UGGT2: variants seen among roughly 807,000 people sequenced by gnomAD.
UGGT2 encodes UDP-glucose:glycoprotein glucosyltransferase 2.
A neutral mutation model predicts 192.1 loss-of-function variants in UGGT2; 180 were observed. The ratio of observed to expected loss-of-function variants is 0.94; its 90% confidence interval spans 0.83 to 1.06. The LOEUF is 1.06. Ranked by LOEUF, UGGT2 falls within the 50% of genes least tolerant of loss-of-function variation. UGGT2 has a pLI of 0.00. For missense variants in UGGT2, 1,849 were observed against 1,795.7 expected, an observed-to-expected ratio of 1.03 and a Z score of -0.54; for synonymous variants, 580 against 591.0, an observed-to-expected ratio of 0.98 and a Z score of 0.27.
intron 38 of UGGT2, among the ~76,000 whole-genome samples, chr13:95,806,021 G>T (rs1258556833): frequency 6.8e-6 from 1 of 146,340 alleles, no homozygotes; most frequent in Non-Finnish European, 1.5e-5. Flanking sequence ...CAGAGATAAG[G>T]GGGAAAGAGA....
At chr13:95,867,652 C>A (rs1890796847) in intron 29 of UGGT2, among the ~76,000 whole-genome samples, 1 of 152,060 alleles carries the variant, frequency 6.6e-6, no homozygotes, top group South Asian at 2.1e-4. Flanking sequence ...AAAAGTAACT[C>A]ATTAAATTCA....
At chr13:95,895,737 A>C (rs753898257) in intron 22 of UGGT2, among the ~76,000 whole-genome samples, 13 of 152,162 alleles carry the variant, frequency 8.5e-5, no homozygotes, top group Non-Finnish European at 1.5e-4. Context: ...TTTCACCTTC[A>C]TCTATAAATT....
chr13:96,049,915 T>TATAG (rs1231339243), intron 1 of UGGT2, among the ~76,000 whole-genome samples: 1 of 152,230 alleles, frequency 6.6e-6, no homozygotes, highest in Non-Finnish European at 1.5e-5. Context: ...CAAGGTAATT[T>TATAG]ATAGATTCAA....
At chr13:95,929,342 C>A (rs1227017451) in intron 17 of UGGT2, among the ~76,000 whole-genome samples, 1 of 152,188 alleles carries the variant, frequency 6.6e-6, no homozygotes, top group Non-Finnish European at 1.5e-5. Flanking sequence ...AGATTGGTTA[C>A]AACACAGGTG....
intron 6 of UGGT2, among the ~76,000 whole-genome samples, chr13:95,997,607 C>T (rs1244565258): frequency 6.6e-6 from 1 of 151,836 alleles, no homozygotes; most frequent in Non-Finnish European, 1.5e-5. Context: ...CACACCACTG[C>T]ACTCCAGCCT....
At chr13:95,947,319 T>A in intron 14 of UGGT2, 147 bp from the exon 15 acceptor site, 1 of 838,078 alleles carries the variant, frequency 1.2e-6, no homozygotes, top group Non-Finnish European at 1.7e-6. Context: ...ACTTCAAAAG[T>A]TTGAATGTAA....
At position 96,023,646 on chromosome 13, in the gene UGGT2, T is replaced by G; in HGVS notation, c.355A>C (p.Ile119Leu). 1.2e-6 allele frequency: 2 copies of G among 1,608,630 alleles called. No homozygotes were observed. Among genetic ancestry groups the G allele is most frequent in the Non-Finnish European group, 1.7e-6 (2 of 1,176,806 alleles). ...AFSIRAYSPA[I>L]QMFQQIAADE... ...TTACGCACCTGCTGAAACATCTGAATAGCTGGGGAGTATGCCCTTATAGAG... is the reference window on the plus strand; with the variant it reads ...TTACGCACCTGCTGAAACATCTGAAGAGCTGGGGAGTATGCCCTTATAGAG... Residue 119 changes from isoleucine to leucine, a missense_variant, in exon 3 of 39, where the codon ATT (isoleucine) becomes CTT (leucine). Coordinates refer to ENST00000376747, the MANE Select transcript of UGGT2 (RefSeq NM_020121.4).
At chr13:95,905,197 C>T (rs1248153338) in intron 20 of UGGT2, among the ~76,000 whole-genome samples, 1 of 151,452 alleles carries the variant, frequency 6.6e-6, no homozygotes, top group Non-Finnish European at 1.5e-5. Context: ...TGGATATTAG[C>T]CCTTTGTCAG....
chr13:95,826,661 T>G (rs1466121619), intron 38 of UGGT2, among the ~76,000 whole-genome samples: 41 of 152,216 alleles, frequency 2.7e-4, no homozygotes, highest in Admixed American at 2.6e-3. Flanking sequence ...ATAAGCTATA[T>G]GATTAAAATG....
At chr13:95,999,393 A>G in intron 5 of UGGT2, 86 bp from the exon 6 acceptor site, 5 of 1,205,642 alleles carry the variant, frequency 4.1e-6, no homozygotes, top group South Asian at 1.3e-5. Flanking sequence ...GTATTTGGAC[A>G]TAAGGGTAAA....
Position 95,837,073 on chromosome 13 carries a change from C to T in UGGT2, c.4401+13G>A. The stretch of plus-strand genomic sequence containing the variant: ...GTATCTGCTTACATACAAATGAAAA[C>T]AAAGACACTCACCAGATCAATTGTT... On this transcript the variant is annotated intron_variant, in intron 37 of 38. Coordinates refer to ENST00000376747, the MANE Select transcript of UGGT2 (RefSeq NM_020121.4). 6.3e-7 allele frequency: 1 copy of T among 1,575,116 alleles called. No individual in the cohort carries two copies. The highest frequency in any genetic ancestry group is 8.7e-7 in the Non-Finnish European group (1 of 1,144,818).
chr13:95,973,102 G>A (rs12877250), intron 10 of UGGT2, among the ~76,000 whole-genome samples: 17,650 of 152,094 alleles, frequency 0.12, 1,383 homozygotes, highest in Middle Eastern at 0.2. Context: ...TCCAGGAGGC[G>A]GAGGTTGCAG....
intron 15 of UGGT2, among the ~76,000 whole-genome samples, chr13:95,945,062 A>G (rs1274370051): frequency 1.3e-5 from 2 of 152,044 alleles, no homozygotes; most frequent in African/African-American, 4.8e-5. Flanking sequence ...CACCTTGTGT[A>G]TAACTTTCTG....
intron 2 of UGGT2, among the ~76,000 whole-genome samples, chr13:96,024,063 A>G (rs2052594656): frequency 6.6e-6 from 1 of 152,252 alleles, no homozygotes; most frequent in Non-Finnish European, 1.5e-5. Flanking sequence ...TATTACAAGG[A>G]TAAGATATAA....
chr13:95,844,455 A>G (rs1487528399), intron 36 of UGGT2, among the ~76,000 whole-genome samples: 3 of 152,346 alleles, frequency 2.0e-5, no homozygotes, highest in Admixed American at 6.5e-5. Flanking sequence ...TGAACAAGGT[A>G]TATCTCTCTA....
At chr13:95,845,584 A>G (rs901437209) in intron 36 of UGGT2, among the ~76,000 whole-genome samples, 7 of 151,754 alleles carry the variant, frequency 4.6e-5, no homozygotes, top group Admixed American at 2.0e-4. Context: ...ACACAGACAC[A>G]GTAACAATCT....
In UGGT2 at chr13:96,023,695, G is replaced by A; in HGVS notation, c.306C>T (p.His102=). ...KKAGQFLDNL[H]INLLKFAFSI... is the part of the protein sequence containing the mutation. ...AGAAAGCAAACTTTAAAAGGTTGAT[G>A]TGTAAATTGTCTAGAAACTGTCCAG... is the stretch of plus-strand genomic sequence containing the variant. Residue 102 remains histidine (H), a synonymous_variant, in exon 3 of 39, where the codon CAC becomes CAT. Transcript: ENST00000376747. 1.2e-6 allele frequency: 2 copies of A among 1,611,910 alleles called. No homozygotes were observed. Among genetic ancestry groups the A allele is most frequent in the South Asian group, 1.1e-5 (1 of 90,918 alleles).
chr13:95,844,541 T>A (rs1481713557), intron 36 of UGGT2, among the ~76,000 whole-genome samples: 1 of 152,166 alleles, frequency 6.6e-6, no homozygotes, highest in Non-Finnish European at 1.5e-5. Flanking sequence ...ACCACTAAGT[T>A]TTTCATTTTT....
At chr13:95,889,159 G>T (rs1342788160) in intron 25 of UGGT2, among the ~76,000 whole-genome samples, 1 of 144,940 alleles carries the variant, frequency 6.9e-6, no homozygotes, top group African/African-American at 2.5e-5. Context: ...CTCTTCATAG[G>T]AATAGGGATT....
Sources: allele counts gnomAD v4.1 joint callset (sites outside exome capture counted in the v4.1 genomes callset), GRCh38; gene constraint gnomAD v4.1.1; transcripts MANE v1.5; gene names NCBI Gene and HGNC (gene_info 2026-07-23, HGNC 2026-07-21).